TSPOAP1: variants seen among roughly 807,000 people sequenced by gnomAD.
The protein encoded by TSPOAP1 is TSPO associated protein 1.
TSPOAP1 carries 87 observed loss-of-function variants against 197.0 expected under a neutral mutation model. The observed-to-expected ratio is 0.44, with a 90% CI of 0.37 to 0.53. The LOEUF (loss-of-function observed/expected upper bound fraction) is 0.53, where lower values mean the gene tolerates loss of function less well. Among genes scored for constraint, TSPOAP1 ranks in the 20% least tolerant of loss-of-function variants. The pLI is 0.00. For synonymous variants in TSPOAP1, 913 were observed against 998.9 expected (o/e 0.91, Z 1.62); for missense variants, 2,174 against 2,411.3 (o/e 0.90, Z 2.06).
In TSPOAP1 at chr17:58,307,608, C is replaced by T. The variant is rs1275876102; in HGVS notation, c.4983+3G>A. 1.2e-6 allele frequency: 2 copies of T among 1,613,310 alleles called. No homozygotes were observed. Among genetic ancestry groups the T allele is most frequent in the South Asian group, 1.1e-5 (1 of 90,968 alleles). On this transcript the variant is annotated splice_donor_region_variant and intron_variant, in intron 24 of 31. Coordinates refer to ENST00000343736, the MANE Select transcript of TSPOAP1 (RefSeq NM_004758.4). ...TTCTGAGCCCTGATGGCGAATCAGT[C>T]ACCTTCAGGATCTGACCCTCTCGGA...
intron 11 of TSPOAP1, 122 bp downstream of exon 11, chr17:58,320,409 G>C: frequency 8.4e-7 from 1 of 1,193,498 alleles, no homozygotes; most frequent in Non-Finnish European, 1.1e-6. Context: ...AGGTCCTGGA[G>C]CATTTAAGGG....
At position 58,308,697 on chromosome 17, in the gene TSPOAP1, C is replaced by T; in HGVS notation, c.4575G>A (p.Gly1525=). 9.9e-6 allele frequency: 16 copies of T among 1,612,960 alleles called. No individual in the cohort carries two copies. The highest frequency in any genetic ancestry group is 1.4e-5 in the Non-Finnish European group (16 of 1,179,916). ...SITSSCYPGD[G]EAWGTATVGR... is the part of the protein sequence containing the mutation. ...CTACAGTTGCTGTGCCCCAGGCCTC[C>T]CCATCTCCAGGGTAGCAGGAGCTGG... Residue 1525 remains glycine (G), a synonymous_variant, in exon 22 of 32, where the codon GGG becomes GGA. Transcript: ENST00000343736.
At position 58,310,655 on chromosome 17, in the gene TSPOAP1, G is replaced by A; in HGVS notation, c.3556C>T (p.Leu1186=). The A allele has an allele frequency of 6.2e-7, 1 of 1,613,090 alleles. No individual in the cohort carries two copies. The highest frequency in any genetic ancestry group is 8.5e-7 in the Non-Finnish European group (1 of 1,180,010). The part of the protein sequence containing the change: ...EKDPGPAAPS[L]AKQEAEWTAG... ...GTCCACTCGGCCTCCTGCTTGGCCA[G>A]TGAGGGAGCTGCGGGGCCAGGGTCC... Residue 1186 remains leucine, a synonymous_variant, in exon 20 of 32, where the codon CTG becomes TTG. Coordinates refer to ENST00000343736, the MANE Select transcript of TSPOAP1 (RefSeq NM_004758.4).
chr17:58,325,137 A>G (rs1212475707), intron 4 of TSPOAP1, 135 bp from the exon 5 acceptor site: 35 of 788,510 alleles, frequency 4.4e-5, no homozygotes, highest in Non-Finnish European at 6.5e-5. Context: ...CCATGGGTAC[A>G]TGCCTGGTTA....
At chr17:58,327,512 T>C (rs1971676845) in intron 1 of TSPOAP1, 76 bp downstream of exon 1, 4 of 1,499,458 alleles carry the variant, frequency 2.7e-6, no homozygotes, top group Non-Finnish European at 2.7e-6. Flanking sequence ...ATACCTCGCC[T>C]CACCTCCTGG....
intron 10 of TSPOAP1, among the ~76,000 whole-genome samples, chr17:58,320,879 C>G (rs1263818400): frequency 6.6e-6 from 1 of 152,114 alleles, no homozygotes; most frequent in Non-Finnish European, 1.5e-5. Flanking sequence ...TCCCCCCTAC[C>G]TCTCTGGATG....
At chr17:58,327,330 C>T (rs565714127) in intron 1 of TSPOAP1, among the ~76,000 whole-genome samples, 27 of 152,264 alleles carry the variant, frequency 1.8e-4, no homozygotes, top group Non-Finnish European at 2.4e-4. Context: ...CAGAGAGGGA[C>T]GGGGCAGCAG....
intron 1 of TSPOAP1, among the ~76,000 whole-genome samples, chr17:58,327,119 G>A (rs1269697577): frequency 2.6e-5 from 4 of 151,506 alleles, no homozygotes; most frequent in African/African-American, 7.3e-5. Context: ...CCAAAGTCCT[G>A]TTCCTTCCCT....
At chr17:58,320,705 A>C in intron 10 of TSPOAP1, 124 bp from the exon 11 acceptor site, 1 of 722,416 alleles carries the variant, frequency 1.4e-6, no homozygotes, top group Non-Finnish European at 2.0e-6. Context: ...GGAGAAAGAA[A>C]AGGGTAGGGA....
chr17:58,325,012 G>A lies in TSPOAP1; in HGVS notation c.751-10C>T. ...GCCACTGGGGACCCTCCTGAGGTTG[G>A]GGGACAGGGACAGGGAGGGGACTCA... On this transcript the variant is annotated splice_polypyrimidine_tract_variant and intron_variant, in intron 4 of 31. Transcript: ENST00000343736. The A allele has an allele frequency of 1.3e-5, 19 of 1,519,200 alleles. No homozygotes were observed. Among genetic ancestry groups the A allele is most frequent in the Non-Finnish European group, 1.7e-5 (19 of 1,132,020 alleles). The allele number at this position is 1,519,200 out of a possible 1,614,324, so 94.1% of individuals were successfully genotyped here. A position where few individuals can be genotyped will look rare whatever the true frequency, so the allele number is the denominator to read the frequency against.
Position 58,310,214 on chromosome 17 carries a change from T to C in TSPOAP1, c.3700-56A>G, listed in dbSNP as rs571283375. ...AAGGACAGTGAGGGGGCACAGGGGG[T>C]TCCAGGCAGGGTCAGCCCCAGCCAC... On this transcript the variant is annotated intron_variant, in intron 20 of 31. Coordinates refer to ENST00000343736, the MANE Select transcript of TSPOAP1 (RefSeq NM_004758.4). 1.5e-5 allele frequency: 23 copies of C among 1,547,234 alleles called. No individual in the cohort carries two copies. In the Admixed American group the frequency reaches 2.8e-4, roughly 19 times the overall value.
At chr17:58,306,138 T>TG (rs1242544089) in intron 26 of TSPOAP1, among the ~76,000 whole-genome samples, 3 of 151,998 alleles carry the variant, frequency 2.0e-5, no homozygotes, top group Non-Finnish European at 2.9e-5. Context: ...AAGCCCCCCA[T>TG]GGGGGGAGGC....
At position 58,310,978 on chromosome 17, in the gene TSPOAP1, G is replaced by A. The variant is rs1258768407; in HGVS notation, c.3317C>T (p.Ser1106Phe). The A allele has an allele frequency of 3.8e-6, 6 of 1,596,672 alleles. No homozygotes were observed. The African/African-American group carries it at 5.4e-5, about 14-fold the overall frequency. Residue 1106 changes from serine to phenylalanine, a missense_variant, in exon 19 of 32, where the codon TCC becomes TTC. Coordinates refer to ENST00000343736, the MANE Select transcript of TSPOAP1 (RefSeq NM_004758.4). ...PEARAPLASA[S>F]PGPGDPSSPL... is the part of the protein sequence containing the mutation. ...AGAGCTGGGGTCTCCAGGCCCTGGG[G>A]AGGCTGAAGCAAGGGGCGCTCTGGC... is the stretch of plus-strand genomic sequence containing the variant.
chr17:58,327,308 C>G (rs529229176), intron 1 of TSPOAP1, among the ~76,000 whole-genome samples: 2 of 152,284 alleles, frequency 1.3e-5, no homozygotes, highest in Non-Finnish European at 2.9e-5. Flanking sequence ...GACACACTGT[C>G]AGGAGGAGGC....
In TSPOAP1 at chr17:58,328,226, T is replaced by C. The variant is rs1971715452; in HGVS notation, c.-306A>G. The C allele has an allele frequency of 3.9e-5, 17 of 431,682 alleles. No homozygotes were observed. In the South Asian group the frequency reaches 4.9e-4, roughly 12 times the overall value. 26.7% of individuals were successfully genotyped at this position (431,682 alleles called of 1,614,324 possible). On this transcript the variant is annotated 5_prime_UTR_variant, in exon 1 of 32. Transcript: ENST00000343736. This position sits in a 1 kb window ranked among gnomAD's most constrained non-coding sequence, Gnocchi z 4.3. Reference sequence around the variant, plus strand: ...AGGATGTGCAGAGGCCACCGACAGCTGCGCCTGGGTGAGGGTGCGTGTGTG... The same window carrying C: ...AGGATGTGCAGAGGCCACCGACAGCCGCGCCTGGGTGAGGGTGCGTGTGTG...
chr17:58,307,379 C>T (rs913780756), intron 24 of TSPOAP1: 1 of 590,580 alleles, frequency 1.7e-6, no homozygotes, highest in Non-Finnish European at 3.0e-6. Flanking sequence ...GTGAGGTAGA[C>T]ACTAATATTA....
At position 58,310,954 on chromosome 17, in the gene TSPOAP1, G is replaced by C. The variant is rs1971060876; in HGVS notation, c.3341C>G (p.Ser1114Cys). The C allele has an allele frequency of 6.3e-7, 1 of 1,584,478 alleles. No homozygotes were observed. Among genetic ancestry groups the C allele is most frequent in the Non-Finnish European group, 8.6e-7 (1 of 1,167,112 alleles). The change falls in exon 19 of 32, where the codon TCT becomes TGT. Residue 1114 changes from serine (S) to cysteine (C), a missense_variant. Coordinates refer to ENST00000343736, the MANE Select transcript of TSPOAP1 (RefSeq NM_004758.4). ...AAGGGGAGCAGGGTGCTGGAGAGGA[G>C]AGCTGGGGTCTCCAGGCCCTGGGGA... ...SASPGPGDPSSPLQHPAPLGT... is the reference protein window; with the variant it reads ...SASPGPGDPSCPLQHPAPLGT...
At chr17:58,306,646 G>T in intron 25 of TSPOAP1, 154 bp downstream of exon 25, 1 of 1,054,704 alleles carries the variant, frequency 9.5e-7, no homozygotes, top group Non-Finnish European at 1.4e-6. Flanking sequence ...CCCACGTACA[G>T]TCTGACCACT....
intron 1 of TSPOAP1, among the ~76,000 whole-genome samples, chr17:58,327,056 G>A (rs180908247): frequency 6.6e-6 from 1 of 152,088 alleles, no homozygotes; most frequent in East Asian, 1.9e-4. Flanking sequence ...CTCCTCCAGG[G>A]ACATGCGAGC....
Sources: gnomAD v4.1 joint callset for allele counts (sites outside exome capture counted in the v4.1 genomes callset) on GRCh38, gnomAD v4.1.1 for gene constraint, Gnocchi (gnomAD v3.1) non-coding constraint, MANE v1.5 for transcripts, NCBI Gene and HGNC (gene_info 2026-07-23, HGNC 2026-07-21) for gene names.